Variants in ITGBL1 observed in about 807,000 individuals in gnomAD.
ITGBL1 encodes the protein integrin beta-like protein 1.
A neutral mutation model predicts 68.5 loss-of-function variants in ITGBL1; 51 were observed. That is an observed-to-expected ratio of 0.74 (90% CI 0.59 to 0.94). ITGBL1 has a LOEUF of 0.94. Ranked by LOEUF, ITGBL1 falls within the 40% of genes least tolerant of loss-of-function variation. ITGBL1 has a pLI of 0.00. For missense variants in ITGBL1, 649 were observed against 647.4 expected, an observed-to-expected ratio of 1.00 and a Z score of -0.03; for synonymous variants, 209 against 227.3, an observed-to-expected ratio of 0.92 and a Z score of 0.72.
intron 2 of ITGBL1, among the ~76,000 whole-genome samples, chr13:101,464,529 C>CTA (rs1179420854): frequency 1.8e-4 from 27 of 151,438 alleles, no homozygotes; most frequent in South Asian, 4.2e-4. Context: ...CTCTCTCTCT[C>CTA]TCTATATATA....
At chr13:101,626,444 C>T (rs2031781792) in intron 7 of ITGBL1, among the ~76,000 whole-genome samples, 2 of 152,150 alleles carry the variant, frequency 1.3e-5, no homozygotes, top group Non-Finnish European at 2.9e-5. Flanking sequence ...TAGAAGTTAG[C>T]TTGGGACTGA....
intron 6 of ITGBL1, among the ~76,000 whole-genome samples, chr13:101,592,088 A>G (rs2050664976): frequency 6.6e-6 from 1 of 152,182 alleles, no homozygotes; most frequent in Non-Finnish European, 1.5e-5. Context: ...TAGGAAGCAG[A>G]ATCAGGATTT....
At chr13:101,586,266 CAGGT>C (rs1402679198) in intron 6 of ITGBL1, among the ~76,000 whole-genome samples, 7 of 152,226 alleles carry the variant, frequency 4.6e-5, no homozygotes, top group African/African-American at 1.7e-4. Flanking sequence ...TGGGTATGGA[CAGGT>C]AGGGGTAGGA....
At chr13:101,671,092 T>A (rs932195303) in intron 7 of ITGBL1, among the ~76,000 whole-genome samples, 1 of 152,186 alleles carries the variant, frequency 6.6e-6, no homozygotes, top group Non-Finnish European at 1.5e-5. Context: ...TACAGTTTTG[T>A]TTCTTCTCTA....
At chr13:101,673,942 G>A (rs2033438324) in intron 7 of ITGBL1, among the ~76,000 whole-genome samples, 1 of 152,148 alleles carries the variant, frequency 6.6e-6, no homozygotes, top group African/African-American at 2.4e-5. Flanking sequence ...TGGCACTGAT[G>A]GATGATGAAA....
chr13:101,717,850 A>G (rs2034784928), downstream of ITGBL1: 1 of 152,124 alleles, frequency 6.6e-6, no homozygotes, highest in Non-Finnish European at 1.5e-5. Flanking sequence ...AACCTCAGGT[A>G]TGTCTTATTT....
At chr13:101,485,619 C>T (rs2048690465) in intron 2 of ITGBL1, among the ~76,000 whole-genome samples, 1 of 151,946 alleles carries the variant, frequency 6.6e-6, no homozygotes, top group Non-Finnish European at 1.5e-5. Context: ...AGTGAAACCC[C>T]GTCTCTACTA....
intron 7 of ITGBL1, among the ~76,000 whole-genome samples, chr13:101,679,990 AT>A (rs1209724549): frequency 6.6e-6 from 1 of 152,178 alleles, no homozygotes; most frequent in African/African-American, 2.4e-5. Flanking sequence ...AAGAATCGAC[AT>A]TTATCTGTAT....
intron 2 of ITGBL1, among the ~76,000 whole-genome samples, chr13:101,553,257 C>A (rs1239021270): frequency 6.6e-6 from 1 of 152,092 alleles, no homozygotes; most frequent in Non-Finnish European, 1.5e-5. Context: ...TTGTTAAGAA[C>A]TTTTTGCCTT....
At chr13:101,677,032 G>A (rs2033520999) in intron 7 of ITGBL1, among the ~76,000 whole-genome samples, 1 of 152,116 alleles carries the variant, frequency 6.6e-6, no homozygotes, top group African/African-American at 2.4e-5. Flanking sequence ...GCTGAGGCAC[G>A]AGAATTGCTT....
In ITGBL1 at chr13:101,527,795, C is replaced by A. The variant is rs189306912; in HGVS notation, c.317-39904C>A. On this transcript the variant is annotated intron_variant, in intron 2 of 10. Coordinates refer to ENST00000376180, the MANE Select transcript of ITGBL1 (RefSeq NM_004791.3). ...CTGATAAGTATGTTTTGAATATTTTCATATGGTTATTGGCCATTTATATAC... is the reference window on the plus strand; with the variant it reads ...CTGATAAGTATGTTTTGAATATTTTAATATGGTTATTGGCCATTTATATAC... Among the ~76,000 whole-genome samples, 3 of 151,992 alleles carry A rather than the reference C, an allele frequency of 2.0e-5. No homozygotes were observed. The East Asian group carries it at 5.8e-4, about 29-fold the overall frequency.
chr13:101,477,829 T>C, intron 2 of ITGBL1, among the ~76,000 whole-genome samples: 1 of 151,896 alleles, frequency 6.6e-6, no homozygotes, highest in East Asian at 1.9e-4. Context: ...AAACCATAGT[T>C]TATTGTACAT....
At chr13:101,616,728 C>T (rs140252159) in intron 7 of ITGBL1, among the ~76,000 whole-genome samples, 323 of 152,190 alleles carry the variant, frequency 2.1e-3, no homozygotes, top group Non-Finnish European at 3.6e-3. Flanking sequence ...TGACTTCAAG[C>T]GATCTACCCA....
chr13:101,649,104 T>C (rs1318408087), intron 7 of ITGBL1, among the ~76,000 whole-genome samples: 1 of 152,142 alleles, frequency 6.6e-6, no homozygotes, highest in African/African-American at 2.4e-5. Flanking sequence ...AATCAAGAAA[T>C]TGGTAATTTT....
At chr13:101,691,410 C>G (rs1250475166) in intron 7 of ITGBL1, among the ~76,000 whole-genome samples, 2 of 152,104 alleles carry the variant, frequency 1.3e-5, no homozygotes, top group Non-Finnish European at 2.9e-5. Flanking sequence ...ATCCTAAATA[C>G]TAATTTTTCT....
intron 7 of ITGBL1, among the ~76,000 whole-genome samples, chr13:101,654,631 G>A (rs1238740189): frequency 6.6e-6 from 1 of 152,150 alleles, no homozygotes; most frequent in African/African-American, 2.4e-5. Context: ...CAAATCAGTG[G>A]TTCTCCTTCG....
intron 2 of ITGBL1, among the ~76,000 whole-genome samples, chr13:101,458,951 T>A (rs1313812502): frequency 6.6e-6 from 1 of 152,136 alleles, no homozygotes; most frequent in Non-Finnish European, 1.5e-5. Flanking sequence ...ATTATTTTTT[T>A]AAAGGCCATT....
chr13:101,512,626 T>C (rs1479573085), intron 2 of ITGBL1, among the ~76,000 whole-genome samples: 1 of 152,148 alleles, frequency 6.6e-6, no homozygotes, highest in Non-Finnish European at 1.5e-5. Flanking sequence ...ACAAGGACCC[T>C]TCCCATGGGG....
In ITGBL1 at chr13:101,692,583, A is replaced by T. The variant is rs752580889; in HGVS notation, c.1016-2A>T. ...AGTGTGCACTTTCTTTATACTTTCC[A>T]GGTAAATGTGAATGTGGCAAATGCA... On this transcript the variant is annotated splice_acceptor_variant, in intron 7 of 10. Transcript: ENST00000376180. LOFTEE classifies it high-confidence loss of function. The T allele has an allele frequency of 6.2e-7, 1 of 1,601,534 alleles. No individual in the cohort carries two copies. The highest frequency in any genetic ancestry group is 8.6e-7 in the Non-Finnish European group (1 of 1,168,556).
Sources: allele counts gnomAD v4.1 joint callset (sites outside exome capture counted in the v4.1 genomes callset), GRCh38; gene constraint gnomAD v4.1.1; transcripts MANE v1.5; gene names NCBI Gene and HGNC (gene_info 2026-07-23, HGNC 2026-07-21).